The following FBF1 variants were observed in gnomAD, a reference collection of about 807,000 sequenced individuals.
FBF1 encodes the protein fas-binding factor 1.
FBF1 carries 119 observed loss-of-function variants against 147.2 expected under a neutral mutation model. That is an observed-to-expected ratio of 0.81 (90% CI 0.70 to 0.94). The LOEUF is 0.94. Ranked by LOEUF, FBF1 falls within the 40% of genes least tolerant of loss-of-function variation. The probability of loss-of-function intolerance (pLI) is 0.00; values close to 1 mark genes in which losing one functional copy is unlikely to be tolerated. For missense variants in FBF1, 1,449 were observed against 1,500.8 expected (o/e 0.97, Z 0.57); for synonymous variants, 601 against 609.0 (o/e 0.99, Z 0.19).
At chr17:75,929,942 A>C in intron 7 of FBF1, 55 bp downstream of exon 7, 1 of 710,376 alleles carries the variant, frequency 1.4e-6, no homozygotes. Flanking sequence ...ACAAAATATC[A>C]TGACCCCACC....
chr17:75,929,964 C>CCCCCCCAAA, intron 7 of FBF1, 33 bp downstream of exon 7: 1 of 1,402,202 alleles, frequency 7.1e-7, no homozygotes, highest in Non-Finnish European at 9.9e-7. Flanking sequence ...CACCCACCCC[C>CCCCCCCAAA]AGTTCTAAGA....
intron 25 of FBF1, 169 bp from the exon 26 acceptor site, chr17:75,914,467 A>C (rs1325286127): frequency 2.5e-5 from 27 of 1,073,344 alleles, no homozygotes; most frequent in Non-Finnish European, 3.4e-5. Context: ...TGCTGCCCTC[A>C]CAAGCCACGT....
intron 2 of FBF1, chr17:75,937,857 C>T: frequency 1.6e-6 from 1 of 627,650 alleles, no homozygotes. Flanking sequence ...TGCAAACCCT[C>T]CCAGCCGAGA....
At chr17:75,927,643 C>A in intron 8 of FBF1, 111 bp from the exon 9 acceptor site, 1 of 916,762 alleles carries the variant, frequency 1.1e-6, no homozygotes, top group Non-Finnish European at 1.7e-6. Context: ...TCCTGGGAAG[C>A]TGGGGGCTCA....
chr17:75,933,892 A>G (rs1261729675), intron 4 of FBF1, among the ~76,000 whole-genome samples: 1 of 152,232 alleles, frequency 6.6e-6, no homozygotes, highest in African/African-American at 2.4e-5. Flanking sequence ...GATGGCAATC[A>G]TCAAAAAGAA....
In FBF1 at chr17:75,919,072, T is replaced by A. The variant is rs56248937; in HGVS notation, c.2138+596A>T. ...TACAGGAGTAGCTGTCATGCCAGCT[T>A]ATTTAAAAATTGTTTTTAGAGATGA... On this transcript the variant is annotated intron_variant, in intron 20 of 29. Transcript: ENST00000636174. The surrounding 1 kb of genome is among the most constrained non-coding windows in gnomAD (Gnocchi z 5.0). Among the ~76,000 whole-genome samples, 68,347 of 151,694 alleles carry A rather than the reference T, an allele frequency of 0.45. 18,692 individuals carry two copies. Among genetic ancestry groups the A allele is most frequent in the African/African-American group, 0.78 (32,110 of 41,382 alleles).
rs59828131 is a variant in FBF1, at chr17:75,938,016, C to T, written c.3+131G>A. The T allele has an allele frequency of 2.7e-3, 3,676 of 1,385,310 alleles. 38 individuals carry two copies. The highest frequency in any genetic ancestry group is 0.025 in the African/African-American group (1,711 of 69,822). 85.8% of individuals were successfully genotyped at this position (1,385,310 alleles called of 1,614,324 possible). A position where few individuals can be genotyped will look rare whatever the true frequency, so the allele number is the denominator to read the frequency against. ...TTGGTATCAATGCCACCTCCTGTCA[C>T]TCTTCTCCAGGGTCTCCATCCTGGT... On this transcript the variant is annotated intron_variant, in intron 2 of 29. Transcript: ENST00000636174.
At chr17:75,913,886 G>C in intron 27 of FBF1, 27 bp downstream of exon 27, 1 of 1,551,328 alleles carries the variant, frequency 6.4e-7, no homozygotes, top group Non-Finnish European at 8.7e-7. Flanking sequence ...CCGGGGGCAG[G>C]GGCGCCATAC....
intron 17 of FBF1, among the ~76,000 whole-genome samples, chr17:75,920,785 T>C (rs966749063): frequency 2.7e-5 from 4 of 149,308 alleles, no homozygotes; most frequent in Non-Finnish European, 1.5e-5. Context: ...CTAATCTGGT[T>C]CCCACGAGCT....
chr17:75,929,955 AC>A, intron 7 of FBF1, 41 bp downstream of exon 7: 1 of 228,254 alleles, frequency 4.4e-6, no homozygotes, highest in Non-Finnish European at 8.9e-6. Flanking sequence ...ACCCCACCCC[AC>A]CCACCCCCAG....
At position 75,918,119 on chromosome 17, in the gene FBF1, G is replaced by A. The variant is rs761829459; in HGVS notation, c.2246+43C>T. ...CTCCTGACGGTCTCGGGGACCTTCC[G>A]GCCCCCAACGTCAGGCGGGCATGGT... On this transcript the variant is annotated intron_variant, in intron 21 of 29. Transcript: ENST00000636174. This position sits in a 1 kb window ranked among gnomAD's most constrained non-coding sequence, Gnocchi z 5.8. 2.8e-5 allele frequency: 45 copies of A among 1,607,810 alleles called. No individual in the cohort carries two copies. Among genetic ancestry groups the A allele is most frequent in the Admixed American group, 8.4e-5 (5 of 59,596 alleles).
At position 75,913,935 on chromosome 17, in the gene FBF1, T is replaced by C; in HGVS notation, c.3107A>G (p.Lys1036Arg). The stretch of plus-strand genomic sequence containing the variant: ...TGCCTGGTGCATGTGCTGCTCCTGC[T>C]TCCGCAGCCGCTCCTGCTGTTGCTG... ...AVQQQQERLR[K>R]QEQHMHQEHL... The change falls in exon 27 of 30, where the codon AAG becomes AGG. Residue 1036 changes from lysine (K) to arginine (R), a missense_variant. Lys to Arg is a conservative substitution (Grantham distance 26). Coordinates refer to ENST00000636174, the MANE Select transcript of FBF1 (RefSeq NM_001319193.2). 1 of 1,546,736 alleles carries C rather than the reference T, an allele frequency of 6.5e-7. No homozygotes were observed. Among genetic ancestry groups the C allele is most frequent in the African/African-American group, 1.4e-5 (1 of 73,510 alleles).
Position 75,923,197 on chromosome 17 carries a change from G to A in FBF1, c.1413C>T (p.Pro471=). Residue 471 remains proline, a synonymous_variant, in exon 14 of 30, where the codon CCC becomes CCT. Transcript: ENST00000636174. The surrounding 1 kb of genome is among the most constrained non-coding windows in gnomAD (Gnocchi z 4.1). ...GCCTAAGTCAGTACCTGCCAGAAGG[G>A]GGATGGCCCGCTGTCCCCGCCAAAT... The part of the protein sequence containing the change: ...GLHLAGTAGH[P]PSGSQPLTST... 6.3e-7 allele frequency: 1 copy of A among 1,584,040 alleles called. No homozygotes were observed. Among genetic ancestry groups the A allele is most frequent in the Non-Finnish European group, 8.6e-7 (1 of 1,165,814 alleles).
Position 75,921,301 on chromosome 17 carries a change from C to T in FBF1, c.1617G>A (p.Glu539=). 1 of 1,589,716 alleles carries T rather than the reference C, an allele frequency of 6.3e-7. No homozygotes were observed. The highest frequency in any genetic ancestry group is 8.6e-7 in the Non-Finnish European group (1 of 1,167,994). The change falls in exon 17 of 30, where the codon GAG becomes GAA. Residue 539 remains glutamate (E), a splice_region_variant and synonymous_variant. Coordinates refer to ENST00000636174, the MANE Select transcript of FBF1 (RefSeq NM_001319193.2). ...GGGTGCTCGGGAAACACGTGGCAGGCTCTGAAACATCAACAACAGAGAAAT... is the reference window on the plus strand; with the variant it reads ...GGGTGCTCGGGAAACACGTGGCAGGTTCTGAAACATCAACAACAGAGAAAT... ...GTAPGDLSAT[E]PATCFPSTQK... is the part of the protein sequence containing the mutation.
At position 75,922,264 on chromosome 17, in the gene FBF1, G is replaced by A. The variant is rs998199917; in HGVS notation, c.1425-218C>T. Among the ~76,000 whole-genome samples the A allele has an allele frequency of 6.6e-5, 10 of 152,030 alleles. No individual in the cohort carries two copies. The highest frequency in any genetic ancestry group is 1.5e-5 in the Non-Finnish European group (1 of 68,006). Reference sequence around the variant, plus strand: ...CCCCCTTCCTGCCTCAATGTCCACAGTGGTGCAGTGAATGGACACTGTCCA... The same window carrying A: ...CCCCCTTCCTGCCTCAATGTCCACAATGGTGCAGTGAATGGACACTGTCCA... On this transcript the variant is annotated intron_variant, in intron 14 of 29. Coordinates refer to ENST00000636174, the MANE Select transcript of FBF1 (RefSeq NM_001319193.2). The surrounding 1 kb of genome is among the most constrained non-coding windows in gnomAD (Gnocchi z 5.0).
In FBF1 at chr17:75,923,606, C is replaced by G. The variant is rs370230125; in HGVS notation, c.1004G>C (p.Gly335Ala). 1 of 1,609,902 alleles carries G rather than the reference C, an allele frequency of 6.2e-7. No homozygotes were observed. Among genetic ancestry groups the G allele is most frequent in the Non-Finnish European group, 8.5e-7 (1 of 1,178,592 alleles). Reference protein sequence around the residue: ...FFADSGADPKGEPGSKQSPPM... With the variant: ...FFADSGADPKAEPGSKQSPPM... Reference sequence around the variant, plus strand: ...AGGGCTCTGTTTGGAGCCTGGTTCTCCCTTGGGGTCTGCGCCACTGTCTGC... The same window carrying G: ...AGGGCTCTGTTTGGAGCCTGGTTCTGCCTTGGGGTCTGCGCCACTGTCTGC... The change falls in exon 14 of 30, where the codon GGA becomes GCA. Residue 335 changes from glycine to alanine, a missense_variant. Transcript: ENST00000636174. This position sits in a 1 kb window ranked among gnomAD's most constrained non-coding sequence, Gnocchi z 4.1.
rs1423874764 is a variant in FBF1, at chr17:75,915,122, A to G, written c.2523T>C (p.Thr841=). 11 of 1,608,450 alleles carry G rather than the reference A, an allele frequency of 6.8e-6. No individual in the cohort carries two copies. Among genetic ancestry groups the G allele is most frequent in the Admixed American group, 1.7e-5 (1 of 59,618 alleles). The change falls in exon 24 of 30, where the codon ACT becomes ACC. Residue 841 remains threonine, a synonymous_variant. Coordinates refer to ENST00000636174, the MANE Select transcript of FBF1 (RefSeq NM_001319193.2). Reference sequence around the variant, plus strand: ...TGGACTCCGCCTTGGACTGCTCGGCAGTCACCCGCCAGCGTTCCTGTAGGG... The same window carrying G: ...TGGACTCCGCCTTGGACTGCTCGGCGGTCACCCGCCAGCGTTCCTGTAGGG... The part of the protein sequence containing the change: ...RLLEQERWRV[T]AEQSKAESMQ...
chr17:75,911,065 T>C (rs908268323), intron 29 of FBF1, among the ~76,000 whole-genome samples: 1 of 152,188 alleles, frequency 6.6e-6, no homozygotes, highest in Admixed American at 6.5e-5. Context: ...TCAGTTTCCT[T>C]GTCTGTAAAC....
rs760660172 is a variant in FBF1, at chr17:75,915,069, T to C, written c.2576A>G (p.Lys859Arg). 7 of 1,613,522 alleles carry C rather than the reference T, an allele frequency of 4.3e-6. No individual in the cohort carries two copies. The highest frequency in any genetic ancestry group is 5.1e-6 in the Non-Finnish European group (6 of 1,179,860). ...SMQRALEEQRKVTAQQMAMER... is the reference protein window; with the variant it reads ...SMQRALEEQRRVTAQQMAMER... ...CATGGCCATCTGCTGGGCCGTGACCTTCCTTTGCTCCTCTAGGGCGCGCTG... is the reference window on the plus strand; with the variant it reads ...CATGGCCATCTGCTGGGCCGTGACCCTCCTTTGCTCCTCTAGGGCGCGCTG... The change falls in exon 24 of 30, where the codon AAG (lysine) becomes AGG (arginine). Residue 859 changes from lysine (K) to arginine (R), a missense_variant. By Grantham distance (26) the Lys-to-Arg change is conservative (BLOSUM62 2). Transcript: ENST00000636174.
Sources: gnomAD v4.1 joint callset for allele counts (sites outside exome capture counted in the v4.1 genomes callset) on GRCh38, gnomAD v4.1.1 for gene constraint, Gnocchi (gnomAD v3.1) non-coding constraint, MANE v1.5 for transcripts, NCBI Gene and HGNC (gene_info 2026-07-23, HGNC 2026-07-21) for gene names.